TINAG: variants seen among roughly 807,000 people sequenced by gnomAD.
TINAG encodes tubulointerstitial nephritis antigen.
Under a neutral mutation model 72.7 loss-of-function variants are expected in TINAG, and 83 were observed. That is an observed-to-expected ratio of 1.14 (90% confidence interval 0.96 to 1.37). The LOEUF (loss-of-function observed/expected upper bound fraction) is 1.37, where lower values mean the gene tolerates loss of function less well. Ranked by LOEUF, TINAG falls within the 40% of genes most tolerant of loss-of-function variation. TINAG has a pLI of 0.00. For synonymous variants in TINAG, 234 were observed against 189.9 expected, an observed-to-expected ratio of 1.23 and a Z score of -1.91; for missense variants, 685 against 576.6, an observed-to-expected ratio of 1.19 and a Z score of -1.93.
At chr6:54,366,759 A>G (rs544888606) in intron 9 of TINAG, among the ~76,000 whole-genome samples, 1 of 151,768 alleles carries the variant, frequency 6.6e-6, no homozygotes, top group African/African-American at 2.4e-5. Flanking sequence ...TGCCAGGAAA[A>G]AATGACACCT....
upstream of TINAG, chr6:54,307,926 T>A: frequency 1.0e-6 from 1 of 977,950 alleles, no homozygotes; most frequent in Non-Finnish European, 1.5e-6. Context: ...AATTTCTTGC[T>A]GAATTAGGTT....
intron 9 of TINAG, among the ~76,000 whole-genome samples, chr6:54,379,658 G>A (rs941141752): frequency 1.3e-5 from 2 of 152,090 alleles, no homozygotes; most frequent in Non-Finnish European, 2.9e-5. Context: ...TAGAGTGGTA[G>A]ATTTGTTTGG....
At chr6:54,388,924 T>C (rs892222396) in intron 10 of TINAG, among the ~76,000 whole-genome samples, 2 of 152,192 alleles carry the variant, frequency 1.3e-5, no homozygotes, top group Non-Finnish European at 1.5e-5. Context: ...AGCTAGTCAC[T>C]GCCTCTTGTC....
chr6:54,379,407 C>T (rs1251405499), intron 9 of TINAG, among the ~76,000 whole-genome samples: 2 of 152,216 alleles, frequency 1.3e-5, no homozygotes, highest in Middle Eastern at 3.4e-3. Context: ...AAAATGAAAT[C>T]GTGTACGTTT....
intron 10 of TINAG, among the ~76,000 whole-genome samples, chr6:54,385,779 T>C (rs1429004538): frequency 6.7e-6 from 1 of 149,624 alleles, no homozygotes; most frequent in Non-Finnish European, 1.5e-5. Flanking sequence ...TAACACTCCA[T>C]AAGTGAAACT....
chr6:54,321,740 C>A (rs1784495387), intron 3 of TINAG, among the ~76,000 whole-genome samples: 1 of 152,112 alleles, frequency 6.6e-6, no homozygotes, highest in South Asian at 2.1e-4. Flanking sequence ...GCTGCCCTCA[C>A]CAAGCCAATC....
intron 9 of TINAG, among the ~76,000 whole-genome samples, chr6:54,363,619 CAAA>C (rs75017897): frequency 8.7e-6 from 1 of 115,498 alleles, no homozygotes; most frequent in Admixed American, 9.4e-5. Flanking sequence ...CAACGGGTAT[CAAA>C]AAAAAAAAAA....
intron 9 of TINAG, among the ~76,000 whole-genome samples, chr6:54,379,730 T>C (rs1294304988): frequency 1.3e-5 from 2 of 152,192 alleles, no homozygotes; most frequent in African/African-American, 4.8e-5. Context: ...TGACTTTTAA[T>C]TTCTTCTGTA....
At chr6:54,327,129 A>G (rs1784623151) in intron 4 of TINAG, 1 of 1,548,982 alleles carries the variant, frequency 6.5e-7, no homozygotes, top group Non-Finnish European at 8.7e-7. Context: ...AATTAGACAT[A>G]GTCTCCTTTA....
At chr6:54,329,960 C>A (rs1168116854) in intron 4 of TINAG, among the ~76,000 whole-genome samples, 1 of 151,874 alleles carries the variant, frequency 6.6e-6, no homozygotes, top group African/African-American at 2.4e-5. Context: ...CAGGAGCACC[C>A]AGATTCATAA....
chr6:54,370,568 G>A (rs1266550337), intron 9 of TINAG, among the ~76,000 whole-genome samples: 3 of 152,022 alleles, frequency 2.0e-5, no homozygotes, highest in Non-Finnish European at 4.4e-5. Context: ...TAGTGCTGGA[G>A]ATATGGAGAT....
chr6:54,352,147 A>G (rs1406231725), intron 8 of TINAG, among the ~76,000 whole-genome samples: 5 of 151,984 alleles, frequency 3.3e-5, no homozygotes, highest in African/African-American at 1.2e-4. Context: ...ATGAAAATTT[A>G]GGTTGTGAAT....
intron 9 of TINAG, among the ~76,000 whole-genome samples, chr6:54,355,047 G>A (rs1047569829): frequency 7.2e-5 from 11 of 151,780 alleles, no homozygotes; most frequent in South Asian, 2.1e-4. Flanking sequence ...TCAATATAAG[G>A]TTACTTTATA....
In TINAG at chr6:54,380,574, A is replaced by T; in HGVS notation, c.1296+3A>T. The T allele has an allele frequency of 6.2e-7, 1 of 1,609,620 alleles. No homozygotes were observed. Among genetic ancestry groups the T allele is most frequent in the Middle Eastern group, 1.7e-4 (1 of 6,038 alleles). ...AAGGGCAGAAAGAAAAATTTTGGGT[A>T]TGTAACTCTTTCCAGTTGAATTCCT... On this transcript the variant is annotated splice_donor_region_variant and intron_variant, in intron 10 of 10. Coordinates refer to ENST00000259782, the MANE Select transcript of TINAG (RefSeq NM_014464.4).
chr6:54,361,739 C>T (rs1465424086), intron 9 of TINAG, among the ~76,000 whole-genome samples: 1 of 151,538 alleles, frequency 6.6e-6, no homozygotes, highest in Non-Finnish European at 1.5e-5. Context: ...CCCTCTTGTA[C>T]TAAAAAATTG....
intron 10 of TINAG, among the ~76,000 whole-genome samples, chr6:54,383,762 T>C (rs551613726): frequency 7.2e-4 from 109 of 152,194 alleles, no homozygotes; most frequent in African/African-American, 2.6e-3. Flanking sequence ...AATTTCAATC[T>C]ATAATTAGTT....
intron 9 of TINAG, among the ~76,000 whole-genome samples, chr6:54,376,596 T>TA (rs1481590941): frequency 6.6e-6 from 1 of 152,190 alleles, no homozygotes; most frequent in African/African-American, 2.4e-5. Context: ...ATAATTTTAC[T>TA]ATCTAGGCAT....
intron 8 of TINAG, among the ~76,000 whole-genome samples, chr6:54,354,246 T>A (rs1203662408): frequency 2.6e-5 from 4 of 151,874 alleles, no homozygotes; most frequent in African/African-American, 9.7e-5. Flanking sequence ...TTTTTGGTAG[T>A]AGCGTCTCTG....
intron 4 of TINAG, among the ~76,000 whole-genome samples, chr6:54,341,868 G>T (rs781664173): frequency 6.6e-6 from 1 of 152,136 alleles, no homozygotes; most frequent in Admixed American, 6.6e-5. Flanking sequence ...AGTCCTAGGA[G>T]CATTTCTTGT....
Sources: gnomAD v4.1 joint callset for allele counts (sites outside exome capture counted in the v4.1 genomes callset) on GRCh38, gnomAD v4.1.1 for gene constraint, MANE v1.5 for transcripts, NCBI Gene and HGNC (gene_info 2026-07-23, HGNC 2026-07-21) for gene names.